SYDE2: variants seen among roughly 807,000 people sequenced by gnomAD.
SYDE2 encodes synapse defective Rho GTPase homolog 2.
SYDE2 carries 76 observed loss-of-function variants against 91.5 expected under a neutral mutation model. The observed-to-expected ratio is 0.83, with a 90% CI of 0.69 to 1.01. SYDE2 has a LOEUF of 1.01. Among genes scored for constraint, SYDE2 ranks in the 50% least tolerant of loss-of-function variants. The pLI, the probability that SYDE2 is intolerant of heterozygous loss-of-function variation, is 0.00. For missense variants in SYDE2, 1,364 were observed against 1,367.7 expected (o/e 1.00, Z 0.04); for synonymous variants, 513 against 506.4 (o/e 1.01, Z -0.18).
At chr1:85,194,659 T>A in intron 1 of SYDE2, 1 of 212,294 alleles carries the variant, frequency 4.7e-6, no homozygotes, top group Non-Finnish European at 8.1e-6. Context: ...TTACTTTGAA[T>A]CTGTAAGAGA....
intron 5 of SYDE2, among the ~76,000 whole-genome samples, chr1:85,166,605 T>C (rs1459976218): frequency 6.6e-6 from 1 of 151,860 alleles, no homozygotes; most frequent in Non-Finnish European, 1.5e-5. Flanking sequence ...CCTTCAATGT[T>C]TGGCTATGAA....
chr1:85,158,386 C>CA lies in SYDE2; in HGVS notation c.*363dup, dbSNP rs1018880453. On this transcript the variant is annotated 3_prime_UTR_variant, in exon 7 of 7. Transcript: ENST00000341460. ...AGTGAGACTCTGTCTCAAAAAACAA[C>CA]AAAAAAAAGGACATCTGTCTCAGCT... 8 of 170,946 alleles carry CA rather than the reference C, an allele frequency of 4.7e-5. No individual in the cohort carries two copies. Among genetic ancestry groups the CA allele is most frequent in the South Asian group, 1.7e-4 (1 of 6,034 alleles). 10.6% of individuals were successfully genotyped at this position (170,946 alleles called of 1,614,324 possible).
In SYDE2 at chr1:85,158,847, C is replaced by T. The variant is rs775631372; in HGVS notation, c.3488G>A (p.Arg1163Gln). ...TMQTVESTVD[R>Q]KNNLKDLQES... is the part of the protein sequence containing the mutation. ...TTGTAGATCTTTGAGATTGTTTTTT[C>T]GATCCACTGTAGACTCAACTGTCTG... Residue 1163 changes from arginine to glutamine, a missense_variant, in exon 7 of 7, where the codon CGA (arginine) becomes CAA (glutamine). By Grantham distance (43) the Arg-to-Gln change is conservative. Transcript: ENST00000341460. 7 of 774,928 alleles carry T rather than the reference C, an allele frequency of 9.0e-6. No homozygotes were observed. Among genetic ancestry groups the T allele is most frequent in the East Asian group, 2.4e-5 (1 of 41,186 alleles). The allele number at this position is 774,928 out of a possible 1,614,324, so 48.0% of individuals were successfully genotyped here.
Position 85,183,018 on chromosome 1 carries a change from T to C in SYDE2, c.1624A>G (p.Lys542Glu). Residue 542 changes from lysine to glutamate, a missense_variant, in exon 3 of 7, where the codon AAG becomes GAG. Lys to Glu is a moderately conservative substitution (Grantham distance 56). Coordinates refer to ENST00000341460, the MANE Select transcript of SYDE2 (RefSeq NM_032184.2). ...TTCAATGTTCCCTTAACGCTTAGCT[T>C]TCGGCTAAATTCTGGCAACTTTTTC... Reference protein sequence around the residue: ...KMKKLPEFSRKLSVKGTLNYI... With the variant: ...KMKKLPEFSRELSVKGTLNYI... 1 of 1,612,978 alleles carries C rather than the reference T, an allele frequency of 6.2e-7. No individual in the cohort carries two copies. The highest frequency in any genetic ancestry group is 8.5e-7 in the Non-Finnish European group (1 of 1,179,644).
At chr1:85,199,804 T>C (rs1658740522) in intron 1 of SYDE2, among the ~76,000 whole-genome samples, 2 of 151,536 alleles carry the variant, frequency 1.3e-5, no homozygotes, top group African/African-American at 2.4e-5. Context: ...ATGAGTAAAA[T>C]GACAGTTTAT....
intron 1 of SYDE2, among the ~76,000 whole-genome samples, chr1:85,196,285 G>A (rs1011144715): frequency 6.6e-6 from 1 of 151,562 alleles, no homozygotes; most frequent in African/African-American, 2.4e-5. Context: ...CAAAAGTACG[G>A]TACACCAGAC....
chr1:85,182,411 A>C lies in SYDE2; in HGVS notation c.2231T>G (p.Leu744Arg). 2 of 1,613,736 alleles carry C rather than the reference A, an allele frequency of 1.2e-6. No homozygotes were observed. The highest frequency in any genetic ancestry group is 1.7e-6 in the Non-Finnish European group (2 of 1,179,764). The change falls in exon 3 of 7, where the codon CTA becomes CGA. Residue 744 changes from leucine (L) to arginine (R), a missense_variant. Transcript: ENST00000341460. ...AGTGGGTTCCCAACTGAATACTACT[A>C]GTTTCAAATGTTGTGCATTTTCAAT... ...IEIENAQHLK[L>R]VVFSWEPTPR...
In SYDE2 at chr1:85,182,291, G is replaced by A; in HGVS notation, c.2351C>T (p.Pro784Leu). ...CACTTTCACATAAATAAGACCTCTA[G>A]GTTCAAGTTTGACAGCCAACTGATG... ...KTHQLAVKLEPRGLIYVKVTL... is the reference protein window; with the variant it reads ...KTHQLAVKLELRGLIYVKVTL... Residue 784 changes from proline to leucine, a missense_variant, in exon 3 of 7, where the codon CCT becomes CTT. Coordinates refer to ENST00000341460, the MANE Select transcript of SYDE2 (RefSeq NM_032184.2). 1 of 1,613,682 alleles carries A rather than the reference G, an allele frequency of 6.2e-7. No homozygotes were observed. The highest frequency in any genetic ancestry group is 1.1e-5 in the South Asian group (1 of 91,016).
chr1:85,183,212 G>C lies in SYDE2; in HGVS notation c.1442-12C>G, dbSNP rs776144220. On this transcript the variant is annotated splice_polypyrimidine_tract_variant and intron_variant, in intron 2 of 6. Transcript: ENST00000341460. ...CAGGATCCCAGAACCTTAAAAGAAA[G>C]AAAGAAAAATACGTTATAAAGCAAT... The C allele has an allele frequency of 2.0e-6, 3 of 1,522,308 alleles. No individual in the cohort carries two copies. The highest frequency in any genetic ancestry group is 2.6e-6 in the Non-Finnish European group (3 of 1,140,730). 94.3% of individuals were successfully genotyped at this position (1,522,308 alleles called of 1,614,324 possible).
intron 4 of SYDE2, among the ~76,000 whole-genome samples, chr1:85,170,114 C>T (rs1385503274): frequency 2.3e-5 from 3 of 131,250 alleles, no homozygotes; most frequent in Admixed American, 7.9e-5. Flanking sequence ...CTTCCCATCT[C>T]TTTTTTTTTT....
chr1:85,180,809 A>G (rs1444461253), intron 3 of SYDE2, among the ~76,000 whole-genome samples: 1 of 152,210 alleles, frequency 6.6e-6, no homozygotes, highest in African/African-American at 2.4e-5. Context: ...TTCAGAAAAT[A>G]GACTGTAAAA....
At chr1:85,186,126 T>G (rs1410387720) in intron 2 of SYDE2, among the ~76,000 whole-genome samples, 1 of 152,140 alleles carries the variant, frequency 6.6e-6, no homozygotes, top group Non-Finnish European at 1.5e-5. Context: ...TGAACCAGCC[T>G]TGCATCCCAG....
At chr1:85,180,068 A>G (rs1657853143) in intron 3 of SYDE2, among the ~76,000 whole-genome samples, 1 of 152,210 alleles carries the variant, frequency 6.6e-6, no homozygotes, top group Non-Finnish European at 1.5e-5. Flanking sequence ...CGATGCCTCT[A>G]TGAAAGACAG....
chr1:85,177,371 T>C (rs767093532), intron 4 of SYDE2, among the ~76,000 whole-genome samples: 2 of 152,170 alleles, frequency 1.3e-5, no homozygotes, highest in Non-Finnish European at 2.9e-5. Context: ...GTTTCAACTT[T>C]GCTTGATCTA....
intron 4 of SYDE2, among the ~76,000 whole-genome samples, chr1:85,172,056 A>G (rs1241249215): frequency 6.6e-6 from 1 of 152,224 alleles, no homozygotes; most frequent in East Asian, 1.9e-4. Flanking sequence ...TGATCAATTG[A>G]GCAAAGTCCC....
chr1:85,195,709 C>T (rs1570279695), intron 1 of SYDE2, among the ~76,000 whole-genome samples: 1 of 152,048 alleles, frequency 6.6e-6, no homozygotes, highest in Non-Finnish European at 1.5e-5. Context: ...ATAAATACCC[C>T]AAAAAGGTGT....
In SYDE2 at chr1:85,190,150, C is replaced by G; in HGVS notation, c.1348G>C (p.Glu450Gln). The G allele has an allele frequency of 6.2e-7, 1 of 1,613,980 alleles. No individual in the cohort carries two copies. Among genetic ancestry groups the G allele is most frequent in the Non-Finnish European group, 8.5e-7 (1 of 1,179,898 alleles). ...MNPIHPAHST[E>Q]FVQQYKQKLG... Reference sequence around the variant, plus strand: ...TTTTGCTTGTACTGCTGCACAAATTCTGTGGAATGGGCAGGATGTATAGGA... The same window carrying G: ...TTTTGCTTGTACTGCTGCACAAATTGTGTGGAATGGGCAGGATGTATAGGA... The change falls in exon 2 of 7, where the codon GAA becomes CAA. Residue 450 changes from glutamate to glutamine, a missense_variant. Coordinates refer to ENST00000341460, the MANE Select transcript of SYDE2 (RefSeq NM_032184.2).
Position 85,190,754 on chromosome 1 carries a change from T to C in SYDE2, c.746-2A>G. 6.3e-7 allele frequency: 1 copy of C among 1,587,568 alleles called. No individual in the cohort carries two copies. Among genetic ancestry groups the C allele is most frequent in the Non-Finnish European group, 8.6e-7 (1 of 1,167,706 alleles). On this transcript the variant is annotated splice_acceptor_variant, in intron 1 of 6. Transcript: ENST00000341460. LOFTEE classifies it high-confidence loss of function. ...ACCCATAGGCATTTTCAAATAAATC[T>C]GTTGCAAAGATAGAATAGAAGGTAG...
In SYDE2 at chr1:85,182,932, A is replaced by C; in HGVS notation, c.1710T>G (p.His570Gln). The change falls in exon 3 of 7, where the codon CAT becomes CAG. Residue 570 changes from histidine to glutamine, a missense_variant. Transcript: ENST00000341460. ...TCCCAGAGGGCAGAATATCAGTATG[A>C]TGAACTTCTCGGCAGTTATATTTAG... ...SLSKYNCREV[H>Q]HTDILPSGNT... is the part of the protein sequence containing the mutation. 6.2e-7 allele frequency: 1 copy of C among 1,613,850 alleles called. No homozygotes were observed. Among genetic ancestry groups the C allele is most frequent in the Non-Finnish European group, 8.5e-7 (1 of 1,179,806 alleles).
Sources: gnomAD v4.1 joint callset for allele counts (sites outside exome capture counted in the v4.1 genomes callset) on GRCh38, gnomAD v4.1.1 for gene constraint, MANE v1.5 for transcripts, NCBI Gene and HGNC (gene_info 2026-07-23, HGNC 2026-07-21) for gene names.